FSTL5: variants seen among roughly 807,000 people sequenced by gnomAD.
FSTL5 encodes the protein follistatin-related protein 5.
FSTL5 carries 62 observed loss-of-function variants against 89.1 expected under a neutral mutation model. That is an observed-to-expected ratio of 0.70 (90% CI 0.57 to 0.86). FSTL5 has a LOEUF of 0.86. Ranked by LOEUF, FSTL5 falls within the 40% of genes least tolerant of loss-of-function variation. The probability of loss-of-function intolerance (pLI) is 0.00; values close to 1 mark genes in which losing one functional copy is unlikely to be tolerated. For synonymous variants in FSTL5, 383 were observed against 346.2 expected, an observed-to-expected ratio of 1.11 and a Z score of -1.18; for missense variants, 1,057 against 1,001.6, an observed-to-expected ratio of 1.06 and a Z score of -0.75.
intron 3 of FSTL5, among the ~76,000 whole-genome samples, chr4:162,010,045 C>A (rs75786099): frequency 4.7e-5 from 7 of 150,278 alleles, no homozygotes; most frequent in Non-Finnish European, 1.0e-4. Flanking sequence ...ACACTATGAA[C>A]ATAAGTAGAG....
chr4:162,104,133 A>G (rs748772491), intron 2 of FSTL5, among the ~76,000 whole-genome samples: 3 of 152,194 alleles, frequency 2.0e-5, no homozygotes, highest in African/African-American at 4.8e-5. Flanking sequence ...CGGATCCAGC[A>G]AGGTATCTGC....
At chr4:161,687,019 A>G (rs1400310468) in intron 6 of FSTL5, among the ~76,000 whole-genome samples, 3 of 152,186 alleles carry the variant, frequency 2.0e-5, no homozygotes, top group Non-Finnish European at 4.4e-5. Flanking sequence ...CACCCCACAC[A>G]CAAACACACA....
chr4:161,894,692 T>G (rs923403609), intron 4 of FSTL5, among the ~76,000 whole-genome samples: 1 of 152,146 alleles, frequency 6.6e-6, no homozygotes, highest in Admixed American at 6.5e-5. Flanking sequence ...TCGACCAGGC[T>G]GACCTCAAGT....
intron 7 of FSTL5, among the ~76,000 whole-genome samples, chr4:161,604,627 G>T (rs1274057141): frequency 1.3e-5 from 2 of 152,110 alleles, no homozygotes; most frequent in East Asian, 3.9e-4. Flanking sequence ...GAAAGTCACT[G>T]GGGTTACAAA....
intron 7 of FSTL5, among the ~76,000 whole-genome samples, chr4:161,653,260 AC>A (rs1736402704): frequency 6.6e-6 from 1 of 152,126 alleles, no homozygotes; most frequent in South Asian, 2.1e-4. Context: ...CCTATTGGAG[AC>A]CCCATTGTAG....
rs200102440 is a variant in FSTL5 at position 162,123,506 on chromosome 4, CAA to C, written c.-16-12096_-16-12095del. Among the ~76,000 whole-genome samples, 948 of 152,232 alleles carry C rather than the reference CAA, an allele frequency of 6.2e-3. 14 individuals carry two copies. The highest frequency in any genetic ancestry group is 0.021 in the African/African-American group (888 of 41,560). ...AGATTCTCACAAAGTTTCTCAGAAT[CAA>C]AGTCTCCATGTTTTCTTAGAAAATA... is the stretch of plus-strand genomic sequence containing the variant. On this transcript the variant is annotated intron_variant, in intron 1 of 15. Transcript: ENST00000306100.
At chr4:161,947,373 A>T (rs1303880252) in intron 3 of FSTL5, among the ~76,000 whole-genome samples, 1 of 152,112 alleles carries the variant, frequency 6.6e-6, no homozygotes, top group Non-Finnish European at 1.5e-5. Context: ...TTAAGATTCT[A>T]CACTTTATGT....
intron 2 of FSTL5, among the ~76,000 whole-genome samples, chr4:162,044,562 C>A (rs569419810): frequency 6.6e-6 from 1 of 152,256 alleles, no homozygotes; most frequent in African/African-American, 2.4e-5. Context: ...TAGCCCCTAA[C>A]AAGAGAGTGA....
chr4:161,598,111 G>T (rs867182739), intron 7 of FSTL5, among the ~76,000 whole-genome samples: 1 of 152,054 alleles, frequency 6.6e-6, no homozygotes, highest in Non-Finnish European at 1.5e-5. Context: ...ATAGCTCATG[G>T]CTGTAATCCC....
chr4:162,157,468 A>G (rs1350534284), intron 1 of FSTL5, among the ~76,000 whole-genome samples: 1 of 152,076 alleles, frequency 6.6e-6, no homozygotes, highest in Non-Finnish European at 1.5e-5. Flanking sequence ...TTTGGAGGAT[A>G]TCTGTGAAGA....
intron 1 of FSTL5, among the ~76,000 whole-genome samples, chr4:162,135,383 A>G (rs1317382321): frequency 1.3e-5 from 2 of 152,140 alleles, no homozygotes; most frequent in Admixed American, 6.5e-5. Flanking sequence ...TTTATAAAAT[A>G]CATGTGAGAA....
At chr4:161,583,305 C>A (rs1733498136) in intron 8 of FSTL5, among the ~76,000 whole-genome samples, 1 of 152,162 alleles carries the variant, frequency 6.6e-6, no homozygotes, top group Non-Finnish European at 1.5e-5. Context: ...ATTTCCACAG[C>A]CATTTTGAAG....
chr4:162,060,814 G>T (rs991015268), intron 2 of FSTL5, among the ~76,000 whole-genome samples: 1 of 151,628 alleles, frequency 6.6e-6, no homozygotes, highest in Non-Finnish European at 1.5e-5. Context: ...TCAACATATT[G>T]CACCACACTT....
chr4:162,000,212 AT>A (rs2111103075), intron 3 of FSTL5, among the ~76,000 whole-genome samples: 1 of 152,292 alleles, frequency 6.6e-6, no homozygotes, highest in African/African-American at 2.4e-5. Context: ...AGATTGAATA[AT>A]TTTCTTTTTT....
In FSTL5 at chr4:161,455,040, A is replaced by T. The variant is rs1470831054; in HGVS notation, c.1805T>A (p.Phe602Tyr). 6.2e-7 allele frequency: 1 copy of T among 1,613,586 alleles called. No homozygotes were observed. The highest frequency in any genetic ancestry group is 2.2e-5 in the East Asian group (1 of 44,844). Residue 602 changes from phenylalanine to tyrosine, a missense_variant, in exon 15 of 16, where the codon TTC (phenylalanine) becomes TAC (tyrosine). Phe to Tyr is a conservative substitution (Grantham distance 22). Around this residue, in one of 3 missense-constraint regions of FSTL5, gnomAD observed 980 missense variants for 903.2 expected, o/e 1.08. Coordinates refer to ENST00000306100, the MANE Select transcript of FSTL5 (RefSeq NM_020116.5). The stretch of plus-strand genomic sequence containing the variant: ...GATAATGAGTGTTGTGGTGGGAATG[A>T]AAAAATCATCCACTCTGTCAAATTG... ...GKQFDRVDDFFIPTTTLIITH... is the reference protein window; with the variant it reads ...GKQFDRVDDFYIPTTTLIITH...
chr4:161,723,471 G>A (rs1307207465), intron 6 of FSTL5, among the ~76,000 whole-genome samples: 4 of 152,180 alleles, frequency 2.6e-5, no homozygotes, highest in Non-Finnish European at 5.9e-5. Flanking sequence ...AGGGCACAAC[G>A]TCTTCAGGGC....
At chr4:162,110,552 G>A (rs1455202204) in intron 2 of FSTL5, among the ~76,000 whole-genome samples, 1 of 151,628 alleles carries the variant, frequency 6.6e-6, no homozygotes, top group Non-Finnish European at 1.5e-5. Flanking sequence ...TAATTAGTAT[G>A]TTATTTTTGA....
intron 6 of FSTL5, among the ~76,000 whole-genome samples, chr4:161,658,860 T>C (rs1736611148): frequency 6.6e-6 from 1 of 152,214 alleles, no homozygotes; most frequent in African/African-American, 2.4e-5. Context: ...ATGGGACATC[T>C]GGTTCTAAAA....
intron 6 of FSTL5, among the ~76,000 whole-genome samples, chr4:161,664,335 A>C (rs1736814536): frequency 6.6e-6 from 1 of 152,130 alleles, no homozygotes; most frequent in Admixed American, 6.5e-5. Flanking sequence ...TTTTAGTAGC[A>C]CCCAAATCAC....
Sources: gnomAD v4.1 joint callset for allele counts (sites outside exome capture counted in the v4.1 genomes callset) on GRCh38, gnomAD v4.1.1 for gene constraint, gnomAD v4.1.1 regional missense constraint, MANE v1.5 for transcripts, NCBI Gene and HGNC (gene_info 2026-07-23, HGNC 2026-07-21) for gene names.